The following MRAP2 variants were observed in gnomAD, a reference collection of about 807,000 sequenced individuals.
MRAP2 encodes melanocortin-2 receptor accessory protein 2.
Under a neutral mutation model 17.4 loss-of-function variants are expected in MRAP2, and 20 were observed. The ratio of observed to expected loss-of-function variants is 1.15; its 90% CI spans 0.81 to 1.67. The LOEUF is 1.67. MRAP2 is among the 40% of genes most tolerant of loss of function. The pLI is 0.00. For synonymous variants in MRAP2, 96 were observed against 88.4 expected, an observed-to-expected ratio of 1.09 and a Z score of -0.48; for missense variants, 238 against 240.0, an observed-to-expected ratio of 0.99 and a Z score of 0.05.
At chr6:84,101,837 A>G in the MRAP2 span, among the ~76,000 whole-genome samples, 1 of 152,284 alleles carries the variant, frequency 6.6e-6, no homozygotes, top group Middle Eastern at 3.4e-3. Flanking sequence ...CTTTAAGCCT[A>G]TTTCTATGGA....
At chr6:84,085,156 G>A (rs2099500097) in intron 3 of MRAP2, among the ~76,000 whole-genome samples, 2 of 151,326 alleles carry the variant, frequency 1.3e-5, no homozygotes, top group African/African-American at 4.9e-5. Context: ...CCAGGTTCAC[G>A]CCATTCTCCT....
the MRAP2 span, among the ~76,000 whole-genome samples, chr6:84,131,996 C>G: frequency 6.6e-6 from 1 of 152,088 alleles, no homozygotes; most frequent in African/African-American, 2.4e-5. Context: ...TTCCTTTCCA[C>G]GTTTAGTGCT....
the MRAP2 span, among the ~76,000 whole-genome samples, chr6:84,131,819 T>A: frequency 6.6e-6 from 1 of 152,138 alleles, no homozygotes; most frequent in African/African-American, 2.4e-5. Flanking sequence ...TGTCTTTTAA[T>A]TGGAGCATTT....
At chr6:84,067,059 C>G (rs2099494923) in intron 3 of MRAP2, among the ~76,000 whole-genome samples, 2 of 151,986 alleles carry the variant, frequency 1.3e-5, no homozygotes, top group South Asian at 4.2e-4. Context: ...CCCCAAGCCC[C>G]CACAGTCCAT....
chr6:84,045,551 C>T (rs1013362639), intron 1 of MRAP2, among the ~76,000 whole-genome samples: 12 of 151,442 alleles, frequency 7.9e-5, no homozygotes, highest in Non-Finnish European at 1.2e-4. Context: ...TCGCTTGAGG[C>T]CAGGAGTTTG....
the MRAP2 span, chr6:84,126,610 A>C: frequency 1.2e-6 from 1 of 804,100 alleles, no homozygotes; most frequent in Non-Finnish European, 1.8e-6. Flanking sequence ...TCTCTATATA[A>C]GTAAGAGGCA....
chr6:84,123,409 G>C, the MRAP2 span, among the ~76,000 whole-genome samples: 464 of 152,078 alleles, frequency 3.1e-3, 3 homozygotes, highest in African/African-American at 0.01. Context: ...ATAGAGAACT[G>C]AGAAATAAAG....
intron 2 of MRAP2, chr6:84,062,031 G>A: frequency 1.0e-6 from 1 of 985,454 alleles, no homozygotes; most frequent in Non-Finnish European, 1.2e-6. Flanking sequence ...TTCTCTGCAA[G>A]AAGTAATGAG....
chr6:84,070,848 T>C (rs2099496026), intron 3 of MRAP2, among the ~76,000 whole-genome samples: 1 of 152,216 alleles, frequency 6.6e-6, no homozygotes, highest in Admixed American at 6.5e-5. Flanking sequence ...CTGCTGTTGC[T>C]TTAAAGTTTG....
rs771781354 is a variant in MRAP2, at chr6:84,089,372, T to A, written c.509T>A (p.Val170Glu). The change falls in exon 4 of 4, where the codon GTG becomes GAG. Residue 170 changes from valine to glutamate, a missense_variant. By Grantham distance (121) the Val-to-Glu change is moderately radical (BLOSUM62 -2). Transcript: ENST00000257776. ...RLMKFDIPNFVNTDQNYFGED... is the reference protein window; with the variant it reads ...RLMKFDIPNFENTDQNYFGED... ...ATGAAGTTTGACATCCCCAACTTTG[T>A]GAACACAGACCAGAACTACTTTGGG... 4 of 1,614,200 alleles carry A rather than the reference T, an allele frequency of 2.5e-6. No individual in the cohort carries two copies. The highest frequency in any genetic ancestry group is 3.4e-6 in the Non-Finnish European group (4 of 1,180,034).
intron 1 of MRAP2, 105 bp downstream of exon 1, chr6:84,033,988 C>A: frequency 2.2e-6 from 2 of 892,548 alleles, no homozygotes; most frequent in Non-Finnish European, 2.7e-6. Flanking sequence ...GGTTTGGGGG[C>A]AGTCTTTAGT....
chr6:84,065,398 C>T (rs2099494421), intron 3 of MRAP2, among the ~76,000 whole-genome samples: 1 of 152,136 alleles, frequency 6.6e-6, no homozygotes, highest in African/African-American at 2.4e-5. Context: ...TAAAAAGACA[C>T]AAGCTTTCCT....
At chr6:84,102,559 C>T in the MRAP2 span, among the ~76,000 whole-genome samples, 7 of 152,200 alleles carry the variant, frequency 4.6e-5, no homozygotes, top group East Asian at 1.9e-4. Context: ...ACAGTCTTGC[C>T]GATACCTTGA....
the MRAP2 span, among the ~76,000 whole-genome samples, chr6:84,100,588 T>C: frequency 6.7e-3 from 1,020 of 152,324 alleles, 10 homozygotes; most frequent in African/African-American, 0.023. Context: ...TTAAATTCCC[T>C]GTCTTACACC....
chr6:84,080,219 A>G (rs747607450), intron 3 of MRAP2, among the ~76,000 whole-genome samples: 1 of 151,584 alleles, frequency 6.6e-6, no homozygotes, highest in Non-Finnish European at 1.5e-5. Context: ...TGTATTTTTA[A>G]TAGAGACGGG....
chr6:84,120,509 A>G, the MRAP2 span, among the ~76,000 whole-genome samples: 1 of 152,208 alleles, frequency 6.6e-6, no homozygotes, highest in African/African-American at 2.4e-5. Context: ...ATTAAGGAAT[A>G]GGATGTGGCT....
intron 2 of MRAP2, among the ~76,000 whole-genome samples, chr6:84,055,820 T>G (rs1432025065): frequency 2.6e-5 from 4 of 152,228 alleles, no homozygotes; most frequent in Non-Finnish European, 2.9e-5. Flanking sequence ...AACCTTCTTT[T>G]GTAACACAGC....
At chr6:84,057,122 C>T (rs1206230399) in intron 2 of MRAP2, among the ~76,000 whole-genome samples, 1 of 152,156 alleles carries the variant, frequency 6.6e-6, no homozygotes, top group Admixed American at 6.5e-5. Context: ...ATATGCGACA[C>T]ATTGAGAACA....
chr6:84,089,549 T>G lies in MRAP2; in HGVS notation c.*68T>G. On this transcript the variant is annotated 3_prime_UTR_variant, in exon 4 of 4. Coordinates refer to ENST00000257776, the MANE Select transcript of MRAP2 (RefSeq NM_138409.4). Reference sequence around the variant, plus strand: ...ATCTTTATGTAGCAAGAAATCTACATCCACCAAAATTGTGTGTGTTTGGGG... The same window carrying G: ...ATCTTTATGTAGCAAGAAATCTACAGCCACCAAAATTGTGTGTGTTTGGGG... 2 of 1,522,660 alleles carry G rather than the reference T, an allele frequency of 1.3e-6. No individual in the cohort carries two copies. Among genetic ancestry groups the G allele is most frequent in the Non-Finnish European group, 1.8e-6 (2 of 1,126,720 alleles). The allele number at this position is 1,522,660 out of a possible 1,614,324, so 94.3% of individuals were successfully genotyped here. A position where few individuals can be genotyped will look rare whatever the true frequency, so the allele number is the denominator to read the frequency against.
Sources: allele counts gnomAD v4.1 joint callset (sites outside exome capture counted in the v4.1 genomes callset), GRCh38; gene constraint gnomAD v4.1.1; transcripts MANE v1.5; gene names NCBI Gene and HGNC (gene_info 2026-07-23, HGNC 2026-07-21).